PIAS4: variants seen among roughly 807,000 people sequenced by gnomAD.
PIAS4 encodes E3 SUMO-protein ligase PIAS4.
A neutral mutation model predicts 58.0 loss-of-function variants in PIAS4; 7 were observed. The observed-to-expected ratio is 0.12, with a 90% CI of 0.07 to 0.23. The LOEUF is 0.23. Among genes scored for constraint, PIAS4 ranks in the 10% least tolerant of loss-of-function variants. The pLI, the probability that PIAS4 is intolerant of heterozygous loss-of-function variation, is 1.00. For missense variants in PIAS4, 550 were observed against 709.5 expected (o/e 0.78, Z 2.55); for synonymous variants, 364 against 312.4 (o/e 1.17, Z -1.74).
In PIAS4 at chr19:4,036,223, TACAC is replaced by T. The variant is rs1393349621; in HGVS notation, c.1143-1143_1143-1140del. ...CACATCCATACAGTCCACACTGTCATACACACACACATCTATACAGTCCACACCA... is the reference window on the plus strand; with the variant it reads ...CACATCCATACAGTCCACACTGTCATACACACATCTATACAGTCCACACCA... On this transcript the variant is annotated intron_variant, in intron 9 of 10. Transcript: ENST00000262971. Among the ~76,000 whole-genome samples the T allele has an allele frequency of 8.7e-4, 10 of 11,480 alleles. 1 individual carries two copies. The highest frequency in any genetic ancestry group is 1.6e-3 in the Admixed American group (1 of 630). The allele number at this position is 11,480 out of a possible 152,430, so 7.5% of individuals were successfully genotyped here.
chr19:4,014,964 A>G (rs2040036916), intron 2 of PIAS4, among the ~76,000 whole-genome samples: 2 of 152,176 alleles, frequency 1.3e-5, no homozygotes, highest in African/African-American at 4.8e-5. Context: ...TTCCTGCGGC[A>G]GCCGAGGCTC....
At chr19:4,025,281 G>A (rs117473487) in intron 3 of PIAS4, among the ~76,000 whole-genome samples, 1,908 of 152,156 alleles carry the variant, frequency 0.013, 17 homozygotes, top group Middle Eastern at 0.034. Flanking sequence ...GGGCAGGGTC[G>A]TCCTCAGATG....
chr19:4,031,782 C>T (rs2040225318), intron 7 of PIAS4, among the ~76,000 whole-genome samples: 1 of 152,210 alleles, frequency 6.6e-6, no homozygotes, highest in Non-Finnish European at 1.5e-5. Context: ...CTAGGAAGTC[C>T]TCACCTTTGC....
At chr19:4,028,879 C>T (rs757135832) in intron 6 of PIAS4, 31 bp downstream of exon 6, 14 of 1,612,652 alleles carry the variant, frequency 8.7e-6, no homozygotes, top group Non-Finnish European at 1.2e-5. Context: ...CCACCCTGCC[C>T]CCCAACCCCG....
chr19:4,035,933 T>C, intron 9 of PIAS4, among the ~76,000 whole-genome samples: 1 of 119,100 alleles, frequency 8.4e-6, no homozygotes. Flanking sequence ...CCTGCACACA[T>C]CCATACAGTC....
intron 2 of PIAS4, among the ~76,000 whole-genome samples, chr19:4,021,925 T>C (rs576799903): frequency 6.6e-6 from 1 of 151,880 alleles, no homozygotes; most frequent in African/African-American, 2.4e-5. Context: ...ATTTAAAAAT[T>C]TTTTGTAGAG....
chr19:4,023,172 CA>C (rs36013586), intron 2 of PIAS4, among the ~76,000 whole-genome samples: 2,878 of 118,652 alleles, frequency 0.024, 24 homozygotes, highest in Non-Finnish European at 0.032. Context: ...AACAAAGTCT[CA>C]AAAAAAAAAA....
chr19:4,024,204 C>G (rs1211388802), intron 3 of PIAS4, 84 bp downstream of exon 3: 4 of 1,005,608 alleles, frequency 4.0e-6, no homozygotes, highest in African/African-American at 1.6e-5. Flanking sequence ...CCGGCAGCCA[C>G]GTCCACTGCA....
intron 9 of PIAS4, among the ~76,000 whole-genome samples, chr19:4,036,823 T>G (rs545185562): frequency 5.3e-4 from 73 of 138,634 alleles, no homozygotes; most frequent in Non-Finnish European, 7.3e-4. Context: ...ATCTGTACAG[T>G]CCACACCGTC....
chr19:4,029,099 C>G, intron 7 of PIAS4, 63 bp downstream of exon 7: 1 of 1,230,832 alleles, frequency 8.1e-7, no homozygotes, highest in Non-Finnish European at 1.2e-6. Context: ...CCGCCCTGTG[C>G]TGGGTGAAGC....
At chr19:4,028,262 C>A in intron 4 of PIAS4, 75 bp downstream of exon 4, 1 of 1,193,130 alleles carries the variant, frequency 8.4e-7, no homozygotes. Flanking sequence ...CAGTCCTGGC[C>A]CAGGCCCTTC....
intron 2 of PIAS4, 109 bp from the exon 3 acceptor site, chr19:4,023,927 T>C: frequency 1.3e-6 from 1 of 783,598 alleles, no homozygotes; most frequent in Non-Finnish European, 2.3e-6. Context: ...TCCAGCCAAC[T>C]TCCCATTTCC....
intron 2 of PIAS4, 54 bp from the exon 3 acceptor site, chr19:4,023,982 C>A: frequency 8.0e-7 from 1 of 1,245,098 alleles, no homozygotes; most frequent in Non-Finnish European, 1.2e-6. Context: ...AGCGACTGGG[C>A]TCGGGGGACC....
At chr19:4,034,799 G>T (rs2040258679) in intron 9 of PIAS4, among the ~76,000 whole-genome samples, 3 of 152,194 alleles carry the variant, frequency 2.0e-5, no homozygotes, top group Non-Finnish European at 4.4e-5. Flanking sequence ...ATGGGACTCG[G>T]TGTAGCCAGG....
intron 2 of PIAS4, among the ~76,000 whole-genome samples, chr19:4,023,508 A>G (rs1254474026): frequency 1.3e-5 from 2 of 152,346 alleles, no homozygotes; most frequent in Non-Finnish European, 1.5e-5. Flanking sequence ...ATGTTTTCTG[A>G]CTGCGCCTCT....
intron 3 of PIAS4, among the ~76,000 whole-genome samples, chr19:4,026,141 C>CTT (rs1210513779): frequency 8.2e-6 from 1 of 121,416 alleles, no homozygotes; most frequent in South Asian, 2.8e-4. Flanking sequence ...TTTTCTTTTT[C>CTT]TTTTTTTTTT....
chr19:4,038,718 TGCC>T lies in PIAS4; in HGVS notation c.*859_*861del, dbSNP rs905902514. 15 of 153,870 alleles carry T rather than the reference TGCC, an allele frequency of 9.7e-5. No individual in the cohort carries two copies. Among genetic ancestry groups the T allele is most frequent in the East Asian group, 3.8e-4 (2 of 5,210 alleles). 9.5% of individuals were successfully genotyped at this position (153,870 alleles called of 1,614,324 possible). On this transcript the variant is annotated 3_prime_UTR_variant, in exon 11 of 11. Transcript: ENST00000262971. This position sits in a 1 kb window ranked among gnomAD's most constrained non-coding sequence, Gnocchi z 4.1. ...ACAGATGTCCACAGATGTCCACAGC[TGCC>T]GCCGCCGCCGCCGCCACCATACCCC...
Position 4,039,231 on chromosome 19 carries a change from C to G in PIAS4, c.*1356C>G, listed in dbSNP as rs537438838. On this transcript the variant is annotated 3_prime_UTR_variant, in exon 11 of 11. Transcript: ENST00000262971. The stretch of plus-strand genomic sequence containing the variant: ...CTAAAGAAAGGGACGTGCATCTGGC[C>G]GAGGGCAGTTCAGTCTCACTGCAGA... 1.4e-5 allele frequency: 2 copies of G among 140,598 alleles called. No homozygotes were observed. The highest frequency in any genetic ancestry group is 3.9e-4 in the East Asian group (2 of 5,184). The allele number at this position is 140,598 out of a possible 1,614,324, so 8.7% of individuals were successfully genotyped here. A position where few individuals can be genotyped will look rare whatever the true frequency, so the allele number is the denominator to read the frequency against.
intron 3 of PIAS4, 128 bp downstream of exon 3, chr19:4,024,248 C>G: frequency 1.4e-6 from 1 of 711,584 alleles, no homozygotes; most frequent in Non-Finnish European, 2.5e-6. Context: ...AACCGTGCTG[C>G]AAGGCAGTGG....
Sources: gnomAD v4.1 joint callset for allele counts (sites outside exome capture counted in the v4.1 genomes callset) on GRCh38, gnomAD v4.1.1 for gene constraint, Gnocchi (gnomAD v3.1) non-coding constraint, MANE v1.5 for transcripts, NCBI Gene and HGNC (gene_info 2026-07-23, HGNC 2026-07-21) for gene names.